ARHGEF10L: variants seen among roughly 807,000 people sequenced by gnomAD.
The protein encoded by ARHGEF10L is Rho guanine nucleotide exchange factor 10 like, also known as rho guanine nucleotide exchange factor 10-like protein.
Under a neutral mutation model 141.2 loss-of-function variants are expected in ARHGEF10L, and 69 were observed. That is an observed-to-expected ratio of 0.49 (90% confidence interval 0.40 to 0.60). ARHGEF10L has a LOEUF of 0.60. Ranked by LOEUF, ARHGEF10L falls within the 20% of genes least tolerant of loss-of-function variation. The pLI is 0.00. For missense variants in ARHGEF10L, 1,482 were observed against 1,734.3 expected, an observed-to-expected ratio of 0.85 and a Z score of 2.58; for synonymous variants, 711 against 718.5, an observed-to-expected ratio of 0.99 and a Z score of 0.17.
At chr1:17,683,769 A>G (rs2064339018) in intron 26 of ARHGEF10L, among the ~76,000 whole-genome samples, 1 of 152,178 alleles carries the variant, frequency 6.6e-6, no homozygotes, top group Admixed American at 6.5e-5. Context: ...CAGACTTGTT[A>G]TGCCACTGGA....
At position 17,677,754 on chromosome 1, in the gene ARHGEF10L, A is replaced by G. The variant is rs373198494; in HGVS notation, c.3010-9819A>G. Among the ~76,000 whole-genome samples the G allele has an allele frequency of 7.6e-4, 116 of 152,350 alleles. 1 individual carries two copies. In the South Asian group the frequency reaches 0.021, roughly 27 times the overall value. ...TTAATATTATCACACCCACTTTAAAATGGAAGAAACCAAGGCAGGAAGTGG... is the reference window on the plus strand; with the variant it reads ...TTAATATTATCACACCCACTTTAAAGTGGAAGAAACCAAGGCAGGAAGTGG... On this transcript the variant is annotated intron_variant, in intron 26 of 28. Coordinates refer to ENST00000361221, the MANE Select transcript of ARHGEF10L (RefSeq NM_018125.4).
upstream of ARHGEF10L, among the ~76,000 whole-genome samples, chr1:17,539,349 G>A (rs1364075020): frequency 2.0e-5 from 3 of 152,180 alleles, no homozygotes; most frequent in Non-Finnish European, 4.4e-5. This position sits in a 1 kb window ranked among gnomAD's most constrained non-coding sequence, Gnocchi z 6.0. Flanking sequence ...TGAAGTGGGG[G>A]AGGAGAAGCC....
chr1:17,616,010 C>G, intron 8 of ARHGEF10L, 84 bp from the exon 9 acceptor site: 1 of 1,169,648 alleles, frequency 8.5e-7, no homozygotes, highest in Non-Finnish European at 1.3e-6. Flanking sequence ...TCTCTGCAGG[C>G]CGAGGCCTGG....
chr1:17,608,030 A>G, intron 7 of ARHGEF10L, 53 bp downstream of exon 7: 1 of 258,228 alleles, frequency 3.9e-6, no homozygotes, highest in Non-Finnish European at 8.1e-6. Context: ...AGACCCCTTC[A>G]GGGAGGGAGG....
intron 2 of ARHGEF10L, among the ~76,000 whole-genome samples, chr1:17,586,380 G>T (rs2079027111): frequency 6.6e-6 from 1 of 152,202 alleles, no homozygotes; most frequent in Non-Finnish European, 1.5e-5. Context: ...CCCACGAGAG[G>T]GCTGCTTAGG....
At chr1:17,689,808 T>C (rs754678640) in intron 27 of ARHGEF10L, 3 of 455,988 alleles carry the variant, frequency 6.6e-6, no homozygotes, top group South Asian at 3.1e-5. Flanking sequence ...ATCTTTGGAA[T>C]CTCGTCTTGT....
intron 1 of ARHGEF10L, among the ~76,000 whole-genome samples, chr1:17,547,034 G>A (rs1308400347): frequency 6.6e-6 from 1 of 152,138 alleles, no homozygotes; most frequent in Non-Finnish European, 1.5e-5. Flanking sequence ...CTCCACTCTT[G>A]TGTCTTTCCT....
At chr1:17,534,102 C>T in the ARHGEF10L span, among the ~76,000 whole-genome samples, 142 of 152,092 alleles carry the variant, frequency 9.3e-4, no homozygotes, top group Non-Finnish European at 1.7e-3. Context: ...GCTGGGATTA[C>T]AAGCAGCTGC....
At chr1:17,577,949 G>GGC (rs2078292075) in intron 1 of ARHGEF10L, among the ~76,000 whole-genome samples, 1 of 152,144 alleles carries the variant, frequency 6.6e-6, no homozygotes, top group Admixed American at 6.5e-5. Context: ...TGGAGGGGAG[G>GGC]GCAGGAATCA....
chr1:17,597,027 T>C (rs1205053480), intron 4 of ARHGEF10L, among the ~76,000 whole-genome samples: 1 of 152,188 alleles, frequency 6.6e-6, no homozygotes, highest in Non-Finnish European at 1.5e-5. Flanking sequence ...CCAGGTGGCC[T>C]TCTGGTGCAC....
chr1:17,515,146 G>A, the ARHGEF10L span, among the ~76,000 whole-genome samples: 5 of 152,272 alleles, frequency 3.3e-5, no homozygotes, highest in South Asian at 1.0e-3. Context: ...TCCTCAATGG[G>A]GGGCAACTTG....
intron 28 of ARHGEF10L, among the ~76,000 whole-genome samples, chr1:17,695,873 C>T (rs960194589): frequency 2.6e-5 from 4 of 152,038 alleles, no homozygotes; most frequent in Admixed American, 1.3e-4. Flanking sequence ...GGCTGGCTCC[C>T]TGCGCAGACC....
intron 15 of ARHGEF10L, among the ~76,000 whole-genome samples, chr1:17,630,778 C>T (rs58297688): frequency 0.05 from 7,609 of 152,352 alleles, 618 homozygotes; most frequent in African/African-American, 0.17. Context: ...CAGTGCCTGG[C>T]ACACCCTGGG....
At chr1:17,553,598 A>G (rs1240464950) in intron 1 of ARHGEF10L, among the ~76,000 whole-genome samples, 2 of 152,018 alleles carry the variant, frequency 1.3e-5, no homozygotes, top group Non-Finnish European at 2.9e-5. Flanking sequence ...CCTGGGCAAC[A>G]TAGTGAGACC....
chr1:17,632,023 A>G (rs1475695438), intron 15 of ARHGEF10L, among the ~76,000 whole-genome samples: 1 of 152,200 alleles, frequency 6.6e-6, no homozygotes, highest in Non-Finnish European at 1.5e-5. Flanking sequence ...GAATCCCTAC[A>G]GAGAGGGGCT....
rs116778810 is a variant in ARHGEF10L, at chr1:17,623,010, C to A, written c.1035C>A (p.Pro345=). 1.9e-6 allele frequency: 3 copies of A among 1,613,372 alleles called. No individual in the cohort carries two copies. The highest frequency in any genetic ancestry group is 1.1e-5 in the South Asian group (1 of 91,056). Residue 345 remains proline (P), a synonymous_variant, in exon 12 of 29, where the codon CCC becomes CCA. Transcript: ENST00000361221. This position sits in a 1 kb window ranked among gnomAD's most constrained non-coding sequence, Gnocchi z 4.7. ...LKRILQDYRN[P]LMEMEPKALS... ...CTCCCCGGCAGGACTACCGCAACCC[C>A]CTGATGGAGATGGAGCCCAAGGCGC...
intron 2 of ARHGEF10L, among the ~76,000 whole-genome samples, chr1:17,586,630 T>C (rs377172609): frequency 1.5e-3 from 224 of 152,284 alleles, no homozygotes; most frequent in African/African-American, 5.2e-3. Context: ...CAAAAGCCGC[T>C]GAGCTCCTGG....
Position 17,654,539 on chromosome 1 carries a change from A to T in ARHGEF10L, c.2395-97A>T. Reference sequence around the variant, plus strand: ...CTGGCCCCCACCCACAGGGATTCTAATCCAGGGAGAGTTGGATGGGGCCCA... The same window carrying T: ...CTGGCCCCCACCCACAGGGATTCTATTCCAGGGAGAGTTGGATGGGGCCCA... On this transcript the variant is annotated intron_variant, in intron 22 of 28. Coordinates refer to ENST00000361221, the MANE Select transcript of ARHGEF10L (RefSeq NM_018125.4). This position sits in a 1 kb window ranked among gnomAD's most constrained non-coding sequence, Gnocchi z 4.3. 1 of 1,081,540 alleles carries T rather than the reference A, an allele frequency of 9.2e-7. No individual in the cohort carries two copies. Among genetic ancestry groups the T allele is most frequent in the Admixed American group, 1.7e-5 (1 of 59,276 alleles). The allele number at this position is 1,081,540 out of a possible 1,614,324, so 67.0% of individuals were successfully genotyped here. A position where few individuals can be genotyped will look rare whatever the true frequency, so the allele number is the denominator to read the frequency against.
intron 21 of ARHGEF10L, among the ~76,000 whole-genome samples, chr1:17,641,121 T>A (rs1158950823): frequency 6.6e-6 from 1 of 152,068 alleles, no homozygotes; most frequent in Non-Finnish European, 1.5e-5. Context: ...TTGGCAAGAG[T>A]CTGTCTGCAG....
Sources: gnomAD v4.1 joint callset for allele counts (sites outside exome capture counted in the v4.1 genomes callset) on GRCh38, gnomAD v4.1.1 for gene constraint, Gnocchi (gnomAD v3.1) non-coding constraint, MANE v1.5 for transcripts, NCBI Gene and HGNC (gene_info 2026-07-23, HGNC 2026-07-21) for gene names.